The following UCP2 variants were observed in gnomAD, a reference collection of about 807,000 sequenced individuals.
The protein encoded by UCP2 is uncoupling protein 2.
In UCP2, 27 loss-of-function variants were observed where a neutral mutation model predicts 31.3. The ratio of observed to expected loss-of-function variants is 0.86; its 90% CI spans 0.64 to 1.19. The LOEUF (loss-of-function observed/expected upper bound fraction) is 1.19, where lower values mean the gene tolerates loss of function less well. Among genes scored for constraint, UCP2 ranks in the 50% most tolerant of loss-of-function variants. The pLI is 0.00. For synonymous variants in UCP2, 142 were observed against 157.4 expected, an observed-to-expected ratio of 0.90 and a Z score of 0.73; for missense variants, 377 against 413.5, an observed-to-expected ratio of 0.91 and a Z score of 0.76.
At position 73,975,545 on chromosome 11, in the gene UCP2, C is replaced by A. The variant is rs1951328692; in HGVS notation, c.761G>T (p.Gly254Val). Reference sequence around the variant, plus strand: ...CTGGAGCATGGTAAGGGCACAGTGGCCAGCGCTACTGTACTGGCCCAGGGC... The same window carrying A: ...CTGGAGCATGGTAAGGGCACAGTGGACAGCGCTACTGTACTGGCCCAGGGC... ...NSALGQYSSAGHCALTMLQKE... is the reference protein window; with the variant it reads ...NSALGQYSSAVHCALTMLQKE... The change falls in exon 7 of 8, where the codon GGC becomes GTC. Residue 254 changes from glycine (G) to valine (V), a missense_variant. Coordinates refer to ENST00000663595, the MANE Select transcript of UCP2 (RefSeq NM_003355.3). The A allele has an allele frequency of 5.0e-6, 8 of 1,613,494 alleles. No individual in the cohort carries two copies. The highest frequency in any genetic ancestry group is 6.8e-6 in the Non-Finnish European group (8 of 1,179,686).
In UCP2 at chr11:73,978,449, A is replaced by T; in HGVS notation, c.-71T>A. 1 of 1,602,356 alleles carries T rather than the reference A, an allele frequency of 6.2e-7. No homozygotes were observed. The highest frequency in any genetic ancestry group is 8.5e-7 in the Non-Finnish European group (1 of 1,173,802). On this transcript the variant is annotated 5_prime_UTR_variant, in exon 3 of 8. Coordinates refer to ENST00000663595, the MANE Select transcript of UCP2 (RefSeq NM_003355.3). Reference sequence around the variant, plus strand: ...GACAGGGGCACCTTTAATCAGCAACAAGACGAGATAGAGGAACTCTGCCGG... The same window carrying T: ...GACAGGGGCACCTTTAATCAGCAACTAGACGAGATAGAGGAACTCTGCCGG...
chr11:73,980,505 C>G (rs1226224755), intron 2 of UCP2, among the ~76,000 whole-genome samples: 4 of 152,128 alleles, frequency 2.6e-5, no homozygotes, highest in African/African-American at 9.7e-5. Context: ...GATGAAGGTG[C>G]CCTCGGACTC....
At chr11:73,975,435 C>A (rs760206) in intron 7 of UCP2, 56 bp downstream of exon 7, 2 of 1,560,498 alleles carry the variant, frequency 1.3e-6, no homozygotes, top group South Asian at 1.2e-5. Context: ...CTCCCACCCA[C>A]AATAGACATG....
intron 4 of UCP2, among the ~76,000 whole-genome samples, chr11:73,977,420 T>C (rs1439560657): frequency 1.3e-5 from 2 of 152,192 alleles, no homozygotes; most frequent in Non-Finnish European, 2.9e-5. Flanking sequence ...CTTCCTGCCA[T>C]GTGATCTGGG....
chr11:73,975,729 G>A, intron 6 of UCP2, 58 bp from the exon 7 acceptor site: 1 of 1,598,820 alleles, frequency 6.3e-7, no homozygotes, highest in Non-Finnish European at 8.6e-7. Context: ...CCAGAAGGCA[G>A]GAGAATTACT....
intron 2 of UCP2, 40 bp from the exon 3 acceptor site, chr11:73,978,517 C>T (rs1951400684): frequency 7.3e-6 from 9 of 1,232,372 alleles, no homozygotes; most frequent in African/African-American, 1.5e-5. Context: ...CCACAATGTC[C>T]CCAGGCCCTC....
chr11:73,975,190 CA>C (rs1951322622), intron 7 of UCP2, 69 bp from the exon 8 acceptor site: 1 of 1,374,202 alleles, frequency 7.3e-7, no homozygotes, highest in Admixed American at 2.0e-5. Flanking sequence ...GCCTGGTATT[CA>C]ATCCAACCCA....
chr11:73,981,695 C>G (rs1363225945), intron 1 of UCP2, 63 bp from the exon 2 acceptor site: 1 of 152,398 alleles, frequency 6.6e-6, no homozygotes, highest in Admixed American at 6.5e-5. Context: ...CACAAGCCCA[C>G]CCAATCCATG....
At chr11:73,976,555 T>G in intron 6 of UCP2, 86 bp downstream of exon 6, 1 of 1,038,138 alleles carries the variant, frequency 9.6e-7, no homozygotes, top group Non-Finnish European at 1.5e-6. Context: ...TGAAAAGATG[T>G]GGTCTTCTGG....
At chr11:73,975,744 T>TGGAGGTTGC in intron 6 of UCP2, 73 bp from the exon 7 acceptor site, 1 of 1,554,710 alleles carries the variant, frequency 6.4e-7, no homozygotes, top group Non-Finnish European at 8.9e-7. Flanking sequence ...ATTACTTAAG[T>TGGAGGTTGC]AGCTACGAGT....
rs777508982 is a variant in UCP2 at position 73,977,898 on chromosome 11, TG to T, written c.324del (p.Lys109ArgfsTer13). The T allele has an allele frequency of 1.2e-6, 2 of 1,614,182 alleles. No homozygotes were observed. The highest frequency in any genetic ancestry group is 3.3e-5 in the Admixed American group (2 of 60,028). ...GCTCCATACTCACGCTCAGAGCCCTTGGTGTAGAACTGTTTGACAGAATCAT... is the reference window on the plus strand; with the variant it reads ...GCTCCATACTCACGCTCAGAGCCCTTGTGTAGAACTGTTTGACAGAATCAT... ...GLYDSVKQFY[T>X]KGSEHASIGS... is the part of the protein sequence containing the mutation. On this transcript the variant is annotated frameshift_variant, in exon 4 of 8. Coordinates refer to ENST00000663595, the MANE Select transcript of UCP2 (RefSeq NM_003355.3). LOFTEE classifies it high-confidence loss of function.
chr11:73,980,302 A>G (rs922071227), intron 2 of UCP2, among the ~76,000 whole-genome samples: 3 of 152,158 alleles, frequency 2.0e-5, no homozygotes, highest in Non-Finnish European at 4.4e-5. Context: ...ACAGAGACCC[A>G]TGGAAACAAA....
In UCP2 at chr11:73,975,263, A is replaced by G. The variant is rs537865109; in HGVS notation, c.816-142T>C. On this transcript the variant is annotated intron_variant, in intron 7 of 7. Coordinates refer to ENST00000663595, the MANE Select transcript of UCP2 (RefSeq NM_003355.3). The stretch of plus-strand genomic sequence containing the variant: ...GAACTGAGCTCACAGCTGCTTGGCT[A>G]TAAGCATGAATTCCCTTTGAGTCTC... 4 of 941,896 alleles carry G rather than the reference A, an allele frequency of 4.2e-6. No individual in the cohort carries two copies. The African/African-American group carries it at 4.9e-5, about 12-fold the overall frequency. The allele number at this position is 941,896 out of a possible 1,614,324, so 58.3% of individuals were successfully genotyped here. A position where few individuals can be genotyped will look rare whatever the true frequency, so the allele number is the denominator to read the frequency against.
rs78360495 is a variant in UCP2 at position 73,980,225 on chromosome 11, G to A, written c.-100+1251C>T. On this transcript the variant is annotated intron_variant, in intron 2 of 7. Transcript: ENST00000663595. ...CATTGGAGCAGCTGCTTTGAGCCCC[G>A]CCTGACTGCCTTTGTTGCTGGGGCT... Among the ~76,000 whole-genome samples the A allele has an allele frequency of 7.2e-3, 1,103 of 152,232 alleles. 16 individuals are homozygous for A. Among genetic ancestry groups the A allele is most frequent in the African/African-American group, 0.025 (1,047 of 41,540 alleles).
In UCP2 at chr11:73,974,799, A is replaced by G. The variant is rs1565182716; in HGVS notation, c.*208T>C. On this transcript the variant is annotated 3_prime_UTR_variant, in exon 8 of 8. Coordinates refer to ENST00000663595, the MANE Select transcript of UCP2 (RefSeq NM_003355.3). ...TCCTGGCTGGTACGAGGCCTCCCAC[A>G]CTGTCAAATGTCAACTCCACCAGCA... 2 of 613,692 alleles carry G rather than the reference A, an allele frequency of 3.3e-6. No individual in the cohort carries two copies. The highest frequency in any genetic ancestry group is 2.8e-5 in the East Asian group (1 of 35,560). 38.0% of individuals were successfully genotyped at this position (613,692 alleles called of 1,614,324 possible).
chr11:73,980,030 G>A (rs570967898), intron 2 of UCP2: 1 of 152,254 alleles, frequency 6.6e-6, no homozygotes, highest in Non-Finnish European at 1.5e-5. Flanking sequence ...AAGACAGGCA[G>A]GGATGAGGGG....
Position 73,978,387 on chromosome 11 carries a change from T to C in UCP2, c.-9A>G. The C allele has an allele frequency of 1.2e-6, 2 of 1,614,142 alleles. No individual in the cohort carries two copies. Among genetic ancestry groups the C allele is most frequent in the East Asian group, 2.2e-5 (1 of 44,888 alleles). ...GCCTTGAACCCAACCATGATGCTGA[T>C]TTCCTGCTACGTCCCAGGAGATGGA... On this transcript the variant is annotated 5_prime_UTR_variant, in exon 3 of 8. Transcript: ENST00000663595.
intron 2 of UCP2, 39 bp downstream of exon 2, chr11:73,981,437 G>T (rs982959111): frequency 6.6e-6 from 1 of 152,176 alleles, no homozygotes; most frequent in African/African-American, 2.4e-5. Flanking sequence ...ACAGGGTTAG[G>T]AGGCAGCAAG....
intron 1 of UCP2, among the ~76,000 whole-genome samples, chr11:73,981,928 G>A (rs1467981920): frequency 6.6e-6 from 1 of 152,066 alleles, no homozygotes; most frequent in East Asian, 1.9e-4. Flanking sequence ...TGGGAGAGTT[G>A]TGAGGGGGTC....
Sources: gnomAD v4.1 joint callset for allele counts (sites outside exome capture counted in the v4.1 genomes callset) on GRCh38, gnomAD v4.1.1 for gene constraint, MANE v1.5 for transcripts, NCBI Gene and HGNC (gene_info 2026-07-23, HGNC 2026-07-21) for gene names.